The following CFAP20DC variants were observed in gnomAD, a reference collection of about 807,000 sequenced individuals.
The protein encoded by CFAP20DC is CFAP20 domain containing, also known as protein CFAP20DC.
CFAP20DC carries 84 observed loss-of-function variants against 101.7 expected under a neutral mutation model. That is an observed-to-expected ratio of 0.83 (90% CI 0.69 to 0.99). The LOEUF (loss-of-function observed/expected upper bound fraction) is 0.99, where lower values mean the gene tolerates loss of function less well. CFAP20DC is among the 50% of genes least tolerant of loss of function. The pLI is 0.00. For synonymous variants in CFAP20DC, 359 were observed against 351.2 expected, an observed-to-expected ratio of 1.02 and a Z score of -0.25; for missense variants, 1,007 against 970.3, an observed-to-expected ratio of 1.04 and a Z score of -0.50.
chr3:58,781,926 A>G (rs953660261), intron 15 of CFAP20DC, among the ~76,000 whole-genome samples: 4 of 152,062 alleles, frequency 2.6e-5, no homozygotes, highest in Non-Finnish European at 5.9e-5. Flanking sequence ...GACTCATTCT[A>G]TGAGACCAGC....
chr3:59,023,038 T>C (rs1389258508), intron 4 of CFAP20DC, among the ~76,000 whole-genome samples: 2 of 152,086 alleles, frequency 1.3e-5, no homozygotes, highest in African/African-American at 2.4e-5. Context: ...ACTTCATACA[T>C]GGCAGAGCAA....
intron 4 of CFAP20DC, among the ~76,000 whole-genome samples, chr3:58,977,438 T>G (rs1455336107): frequency 6.6e-6 from 1 of 152,210 alleles, no homozygotes; most frequent in African/African-American, 2.4e-5. Flanking sequence ...ATATTTTTCA[T>G]GAGCAACCTA....
chr3:58,853,684 A>G (rs1255893321), intron 12 of CFAP20DC, among the ~76,000 whole-genome samples: 248 of 152,234 alleles, frequency 1.6e-3, no homozygotes, highest in Non-Finnish European at 2.6e-3. Context: ...TTCAATATAC[A>G]CAAATCAATA....
intron 14 of CFAP20DC, among the ~76,000 whole-genome samples, chr3:58,820,156 G>C (rs1171525543): frequency 3.3e-5 from 5 of 151,940 alleles, no homozygotes; most frequent in African/African-American, 4.8e-5. Context: ...AATAATAAGA[G>C]CTATCTATGA....
At chr3:59,017,476 T>C (rs1466616631) in intron 4 of CFAP20DC, 1 of 152,166 alleles carries the variant, frequency 6.6e-6, no homozygotes, top group Non-Finnish European at 1.5e-5. Context: ...AAAAATTAAC[T>C]CAAGTGCCTT....
chr3:58,968,194 T>C (rs934833570), intron 4 of CFAP20DC, among the ~76,000 whole-genome samples: 2 of 152,162 alleles, frequency 1.3e-5, no homozygotes, highest in African/African-American at 2.4e-5. Flanking sequence ...GCCTTTATGG[T>C]AGGATGATTT....
chr3:59,009,442 A>G (rs2093527568), intron 4 of CFAP20DC, among the ~76,000 whole-genome samples: 1 of 152,084 alleles, frequency 6.6e-6, no homozygotes, highest in Non-Finnish European at 1.5e-5. Context: ...ATATGAATGA[A>G]AAACTTTCCA....
At chr3:58,992,445 A>G in intron 4 of CFAP20DC, 1 of 422,936 alleles carries the variant, frequency 2.4e-6, no homozygotes, top group South Asian at 9.9e-5. Flanking sequence ...CACTATGTAC[A>G]GTCAGTTGAA....
downstream of CFAP20DC, among the ~76,000 whole-genome samples, chr3:58,739,531 G>A (rs2067834080): frequency 6.6e-6 from 1 of 152,178 alleles, no homozygotes; most frequent in African/African-American, 2.4e-5. Flanking sequence ...TTCCTCACAG[G>A]TGCATATGCC....
chr3:59,020,305 C>T (rs1055633675), intron 4 of CFAP20DC, among the ~76,000 whole-genome samples: 1 of 151,934 alleles, frequency 6.6e-6, no homozygotes, highest in African/African-American at 2.4e-5. Flanking sequence ...GTTGAGAATT[C>T]TGTTTGTTTT....
chr3:58,977,619 G>A (rs2092332821), intron 4 of CFAP20DC, among the ~76,000 whole-genome samples: 1 of 151,838 alleles, frequency 6.6e-6, no homozygotes, highest in Admixed American at 6.6e-5. Context: ...AATACTTACT[G>A]AGGGTTTACA....
intron 15 of CFAP20DC, among the ~76,000 whole-genome samples, chr3:58,793,305 T>C (rs943578611): frequency 1.3e-5 from 2 of 152,182 alleles, no homozygotes; most frequent in Non-Finnish European, 2.9e-5. Context: ...ACATAATATC[T>C]TCATTTACTG....
chr3:58,842,886 A>C (rs371505969), intron 13 of CFAP20DC, among the ~76,000 whole-genome samples: 11 of 152,210 alleles, frequency 7.2e-5, no homozygotes, highest in Middle Eastern at 3.4e-3. Context: ...CTGGGAGGCA[A>C]CCCCCAGCAG....
chr3:58,980,990 T>C (rs2092515117), intron 4 of CFAP20DC, among the ~76,000 whole-genome samples: 1 of 152,186 alleles, frequency 6.6e-6, no homozygotes, highest in Non-Finnish European at 1.5e-5. Context: ...CTTAAGCTGA[T>C]AAGCAACTTC....
chr3:58,771,006 G>A lies in CFAP20DC; in HGVS notation c.2238-17143C>T, dbSNP rs369472876. ...GCAAAGACTTGGAACCAACCCAAATGTCCAACAATGATAGACTGGATTAAG... is the reference window on the plus strand; with the variant it reads ...GCAAAGACTTGGAACCAACCCAAATATCCAACAATGATAGACTGGATTAAG... On this transcript the variant is annotated intron_variant, in intron 15 of 16. Transcript: ENST00000482387. 3.9e-5 allele frequency among the ~76,000 whole-genome samples: 6 copies of A among 151,948 alleles called. No homozygotes were observed. The East Asian group carries it at 9.6e-4, about 24-fold the overall frequency.
chr3:58,802,173 G>A (rs1434453001), intron 15 of CFAP20DC, among the ~76,000 whole-genome samples: 1 of 152,084 alleles, frequency 6.6e-6, no homozygotes, highest in East Asian at 1.9e-4. Flanking sequence ...AATATCTTAC[G>A]TTTTTCTGAA....
At position 58,983,125 on chromosome 3, in the gene CFAP20DC, C is replaced by G. The variant is rs148488226; in HGVS notation, c.279-45363G>C. On this transcript the variant is annotated intron_variant, in intron 4 of 16. Transcript: ENST00000482387. ...GATAATGATGGTACTTGAGACAGCT[C>G]AAAATGATAAATCATTACAGTTTGT... is the stretch of plus-strand genomic sequence containing the variant. Among the ~76,000 whole-genome samples, 224 of 152,232 alleles carry G rather than the reference C, an allele frequency of 1.5e-3. 3 individuals carry two copies. The highest frequency in any genetic ancestry group is 5.2e-3 in the African/African-American group (217 of 41,554).
chr3:58,916,770 T>C (rs1461409405), intron 5 of CFAP20DC, among the ~76,000 whole-genome samples: 3 of 152,146 alleles, frequency 2.0e-5, no homozygotes, highest in Non-Finnish European at 4.4e-5. Flanking sequence ...ATTTAGCTGA[T>C]ATTGATAAAG....
intron 1 of CFAP20DC, 134 bp downstream of exon 1, chr3:59,049,477 C>G (rs1442869781): frequency 5.8e-6 from 5 of 857,876 alleles, no homozygotes; most frequent in Non-Finnish European, 7.6e-6. Context: ...AGCATTCACC[C>G]ATTAATTCTG....
Sources: allele counts gnomAD v4.1 joint callset (sites outside exome capture counted in the v4.1 genomes callset), GRCh38; gene constraint gnomAD v4.1.1; transcripts MANE v1.5; gene names NCBI Gene and HGNC (gene_info 2026-07-23, HGNC 2026-07-21).